The following KLC3 variants were observed in gnomAD, a reference collection of about 807,000 sequenced individuals.
KLC3 encodes kinesin light chain 2.
A neutral mutation model predicts 62.9 loss-of-function variants in KLC3; 72 were observed. The observed-to-expected ratio is 1.15, with a 90% CI of 0.95 to 1.39. KLC3 has a LOEUF of 1.39. Among genes scored for constraint, KLC3 ranks in the 40% most tolerant of loss-of-function variants. KLC3 has a pLI of 0.00. For missense variants in KLC3, 848 were observed against 691.6 expected, an observed-to-expected ratio of 1.23 and a Z score of -2.54; for synonymous variants, 377 against 300.5, an observed-to-expected ratio of 1.25 and a Z score of -2.63.
chr19:45,345,352 T>G, intron 1 of KLC3, 182 bp from the exon 2 acceptor site: 1 of 719,246 alleles, frequency 1.4e-6, no homozygotes, highest in Non-Finnish European at 2.4e-6. Flanking sequence ...CTGGCTGGGA[T>G]GGGTGTGGAG....
chr19:45,345,196 A>G, intron 1 of KLC3: 2 of 479,730 alleles, frequency 4.2e-6, no homozygotes, highest in South Asian at 6.2e-5. Flanking sequence ...AAGGCTGGCC[A>G]GGTGAGCTGA....
At chr19:45,351,126 G>A (rs772623541) in intron 12 of KLC3, 109 bp downstream of exon 12, 44 of 1,603,866 alleles carry the variant, frequency 2.7e-5, no homozygotes, top group East Asian at 4.5e-5. Context: ...GTGGTGGGTT[G>A]GTGTCAGAAG....
At chr19:45,350,591 G>A in intron 10 of KLC3, 40 bp downstream of exon 10, 1 of 1,613,764 alleles carries the variant, frequency 6.2e-7, no homozygotes, top group East Asian at 2.2e-5. Flanking sequence ...GGTGGGCGTG[G>A]GGACTGCATG....
Position 45,347,071 on chromosome 19 carries a change from G to A in KLC3, c.489+297G>A, listed in dbSNP as rs944745488. Reference sequence around the variant, plus strand: ...TCAAACCTTGAGATAGGCTGGGTGCGGTGGCTCACGCCTGTAATCCCAACA... The same window carrying A: ...TCAAACCTTGAGATAGGCTGGGTGCAGTGGCTCACGCCTGTAATCCCAACA... On this transcript the variant is annotated intron_variant, in intron 3 of 12. Coordinates refer to ENST00000391946, the MANE Select transcript of KLC3 (RefSeq NM_177417.3). 12 of 447,066 alleles carry A rather than the reference G, an allele frequency of 2.7e-5. No individual in the cohort carries two copies. The South Asian group carries it at 2.8e-4, about 11-fold the overall frequency. 27.7% of individuals were successfully genotyped at this position (447,066 alleles called of 1,614,324 possible). A position where few individuals can be genotyped will look rare whatever the true frequency, so the allele number is the denominator to read the frequency against.
chr19:45,351,084 C>CAG, intron 12 of KLC3, 67 bp downstream of exon 12: 1 of 1,612,678 alleles, frequency 6.2e-7, no homozygotes. Flanking sequence ...GAGGCAAAGG[C>CAG]AGGGCGGTCG....
At chr19:45,349,932 G>A in intron 8 of KLC3, 1 of 420,852 alleles carries the variant, frequency 2.4e-6, no homozygotes. Context: ...TATGAGGTGG[G>A]AGCTGTCGCT....
intron 1 of KLC3, among the ~76,000 whole-genome samples, chr19:45,343,825 T>A (rs1224505820): frequency 6.7e-6 from 1 of 148,794 alleles, no homozygotes; most frequent in Non-Finnish European, 1.5e-5. Flanking sequence ...AAGAGGAGAA[T>A]GTATATTATG....
At chr19:45,344,383 T>A (rs1280439396) in intron 1 of KLC3, among the ~76,000 whole-genome samples, 1 of 149,024 alleles carries the variant, frequency 6.7e-6, no homozygotes, top group Non-Finnish European at 1.5e-5. Flanking sequence ...TCTGCTATTT[T>A]TTTTTTTTTT....
chr19:45,344,016 T>TG (rs1241702300), intron 1 of KLC3, among the ~76,000 whole-genome samples: 1 of 151,854 alleles, frequency 6.6e-6, no homozygotes, highest in African/African-American at 2.4e-5. Flanking sequence ...TTTGTAGGGA[T>TG]GGGGTCTCAC....
At chr19:45,344,024 C>T (rs905649375) in intron 1 of KLC3, among the ~76,000 whole-genome samples, 3 of 151,844 alleles carry the variant, frequency 2.0e-5, no homozygotes, top group African/African-American at 4.8e-5. Context: ...GATGGGGTCT[C>T]ACTATGTTTC....
chr19:45,341,033 G>A (rs1291245152), intron 1 of KLC3, among the ~76,000 whole-genome samples, 187 bp downstream of exon 1: 1 of 152,106 alleles, frequency 6.6e-6, no homozygotes, highest in East Asian at 1.9e-4. Context: ...CCCCAGCGCA[G>A]GTAAACAGCG....
Position 45,349,706 on chromosome 19 carries a change from C to A in KLC3, c.1143+104C>A. 1.9e-6 allele frequency: 2 copies of A among 1,075,338 alleles called. 1 individual carries two copies. 66.6% of individuals were successfully genotyped at this position (1,075,338 alleles called of 1,614,324 possible). ...TGAGCAACGTGAGGGTGGGGGGGGGCCCCCCAGGCCGGGCCCTTGGAGCAA... is the reference window on the plus strand; with the variant it reads ...TGAGCAACGTGAGGGTGGGGGGGGGACCCCCAGGCCGGGCCCTTGGAGCAA... On this transcript the variant is annotated intron_variant, in intron 8 of 12. Coordinates refer to ENST00000391946, the MANE Select transcript of KLC3 (RefSeq NM_177417.3).
At position 45,347,444 on chromosome 19, in the gene KLC3, C is replaced by T. The variant is rs372542835; in HGVS notation, c.490-3C>T. ...CCGGCCCCCCACTTTCCTGTCTCTG[C>T]AGCAGTCTGAGTCCCCGCCTCGCCG... On this transcript the variant is annotated splice_region_variant and splice_polypyrimidine_tract_variant and intron_variant, in intron 3 of 12. Transcript: ENST00000391946. 6.2e-7 allele frequency: 1 copy of T among 1,611,408 alleles called. No homozygotes were observed. Among genetic ancestry groups the T allele is most frequent in the Non-Finnish European group, 8.5e-7 (1 of 1,178,846 alleles).
In KLC3 at chr19:45,351,334, A is replaced by C. The variant is rs1342939642; in HGVS notation, c.1492A>C (p.Thr498Pro). Reference protein sequence around the residue: ...DKAPRTLSASTQDLSPH With the variant: ...DKAPRTLSASPQDLSPH The stretch of plus-strand genomic sequence containing the variant: ...GGCCCCTCGGACCCTCAGCGCCAGC[A>C]CCCAGGACCTGAGCCCCCACTAACG... Residue 498 changes from threonine to proline, a missense_variant, in exon 13 of 13, where the codon ACC becomes CCC. Transcript: ENST00000391946. 7 of 1,611,904 alleles carry C rather than the reference A, an allele frequency of 4.3e-6. No homozygotes were observed. Among genetic ancestry groups the C allele is most frequent in the South Asian group, 2.2e-5 (2 of 91,072 alleles).
chr19:45,342,014 C>T (rs544527141), intron 1 of KLC3, among the ~76,000 whole-genome samples: 5 of 152,010 alleles, frequency 3.3e-5, no homozygotes, highest in African/African-American at 4.8e-5. Flanking sequence ...GCACCCGGGG[C>T]TCTGTGTGAG....
chr19:45,341,578 T>TGTGTGTGCGCGCGCGCGCGCGC, intron 1 of KLC3, among the ~76,000 whole-genome samples: 54 of 139,886 alleles, frequency 3.9e-4, no homozygotes, highest in Non-Finnish European at 7.2e-4. Context: ...TGTGTGTGTG[T>TGTGTGTGCGCGCGCGCGCGCGC]GCGCGCGCGC....
In KLC3 at chr19:45,347,817, G is replaced by C. The variant is rs147269702; in HGVS notation, c.560-124G>C. 4 of 793,132 alleles carry C rather than the reference G, an allele frequency of 5.0e-6. No homozygotes were observed. In the African/African-American group the frequency reaches 6.9e-5, roughly 14 times the overall value. The allele number at this position is 793,132 out of a possible 1,614,324, so 49.1% of individuals were successfully genotyped here. The stretch of plus-strand genomic sequence containing the variant: ...AGTGACTCCTATCTCAGAAGTTAGC[G>C]TGGGGGCCCATAGTCCCAGGGGCCA... On this transcript the variant is annotated intron_variant, in intron 4 of 12. Transcript: ENST00000391946.
At chr19:45,345,145 G>A (rs1032742162) in intron 1 of KLC3, 8 of 364,672 alleles carry the variant, frequency 2.2e-5, no homozygotes, top group Admixed American at 8.7e-5. Context: ...ACGGCCAACC[G>A]GGAGCTCTGG....
At chr19:45,344,465 C>T (rs1165170131) in intron 1 of KLC3, among the ~76,000 whole-genome samples, 1 of 151,654 alleles carries the variant, frequency 6.6e-6, no homozygotes, top group Non-Finnish European at 1.5e-5. Context: ...GTGATTTACC[C>T]ACCTTGGCCT....
Sources: gnomAD v4.1 joint callset for allele counts (sites outside exome capture counted in the v4.1 genomes callset) on GRCh38, gnomAD v4.1.1 for gene constraint, MANE v1.5 for transcripts, NCBI Gene and HGNC (gene_info 2026-07-23, HGNC 2026-07-21) for gene names.